The following TTBK2 variants were observed in gnomAD, a reference collection of about 807,000 sequenced individuals.
The protein encoded by TTBK2 is tau tubulin kinase 2, also known as tau-tubulin kinase 2.
A neutral mutation model predicts 110.8 loss-of-function variants in TTBK2; 28 were observed. That is an observed-to-expected ratio of 0.25 (90% confidence interval 0.19 to 0.35). The LOEUF (loss-of-function observed/expected upper bound fraction) is 0.35, where lower values mean the gene tolerates loss of function less well. TTBK2 is among the 10% of genes least tolerant of loss of function. The pLI is 1.00. For missense variants in TTBK2, 1,369 were observed against 1,500.3 expected (o/e 0.91, Z 1.45); for synonymous variants, 532 against 527.3 (o/e 1.01, Z -0.12).
rs1431375876 is a variant in TTBK2, at chr15:42,752,778, A to G, written c.2468T>C (p.Leu823Pro). The G allele has an allele frequency of 1.9e-6, 3 of 1,614,086 alleles. No individual in the cohort carries two copies. The highest frequency in any genetic ancestry group is 1.7e-5 in the Admixed American group (1 of 60,012). Residue 823 changes from leucine to proline, a missense_variant, in exon 14 of 15, where the codon CTT becomes CCT. By Grantham distance (98) the Leu-to-Pro change is moderately conservative. Transcript: ENST00000267890. ...EKDHSATTEP[L>P]DVTKTQTFSV... Reference sequence around the variant, plus strand: ...AAAAGTCTGTGTTTTTGTCACATCAAGAGGTTCAGTAGTAGCTGAGTGATC... The same window carrying G: ...AAAAGTCTGTGTTTTTGTCACATCAGGAGGTTCAGTAGTAGCTGAGTGATC...
Position 42,745,666 on chromosome 15 carries a change from ATTGATCATGTTACTTTCTT to A in TTBK2, c.*110_*128del. On this transcript the variant is annotated 3_prime_UTR_variant, in exon 15 of 15. Coordinates refer to ENST00000267890, the MANE Select transcript of TTBK2 (RefSeq NM_173500.4). ...CATGTATTATGTCTTCTTATAAATA[ATTGATCATGTTACTTTCTT>A]TTGCAAGAGAAGATCAACACTGATT... 1 of 1,128,872 alleles carries A rather than the reference ATTGATCATGTTACTTTCTT, an allele frequency of 8.9e-7. No homozygotes were observed. Among genetic ancestry groups the A allele is most frequent in the South Asian group, 1.3e-5 (1 of 78,194 alleles). 69.9% of individuals were successfully genotyped at this position (1,128,872 alleles called of 1,614,324 possible).
At chr15:42,749,025 G>T (rs1011340838) in intron 14 of TTBK2, among the ~76,000 whole-genome samples, 13 of 152,014 alleles carry the variant, frequency 8.6e-5, no homozygotes, top group Admixed American at 8.5e-4. Flanking sequence ...GGACATAATG[G>T]GATTCTGACT....
intron 1 of TTBK2, among the ~76,000 whole-genome samples, chr15:42,898,967 T>C (rs1895775407): frequency 6.6e-6 from 1 of 152,152 alleles, no homozygotes; most frequent in African/African-American, 2.4e-5. Flanking sequence ...TAATAAAAAC[T>C]AATTTTAAAA....
intron 1 of TTBK2, among the ~76,000 whole-genome samples, chr15:42,894,354 C>T (rs984272005): frequency 5.9e-5 from 9 of 151,892 alleles, no homozygotes; most frequent in East Asian, 1.9e-4. Flanking sequence ...TTCTACTAAA[C>T]ATTTAAAGAA....
chr15:42,753,192 T>C lies in TTBK2; in HGVS notation c.2054A>G (p.His685Arg). ...ASTQSTSGSF[H>R]CGQQPEKKDL... The stretch of plus-strand genomic sequence containing the variant: ...TTTCTTCTCTGGCTGCTGACCACAG[T>C]GAAAGCTTCCTGAAGTTGACTGTGT... Residue 685 changes from histidine to arginine, a missense_variant, in exon 14 of 15, where the codon CAC becomes CGC. This residue lies in a region of TTBK2 where 1,097 missense variants were observed against 1,114.7 expected (regional missense o/e 0.98). Transcript: ENST00000267890. The C allele has an allele frequency of 6.2e-7, 1 of 1,612,058 alleles. No individual in the cohort carries two copies.
At chr15:42,784,353 C>T (rs1890315160) in intron 10 of TTBK2, among the ~76,000 whole-genome samples, 1 of 152,102 alleles carries the variant, frequency 6.6e-6, no homozygotes, top group Non-Finnish European at 1.5e-5. Context: ...TCTCGGCTCA[C>T]TGAAACCTCC....
intron 1 of TTBK2, among the ~76,000 whole-genome samples, chr15:42,888,493 A>G (rs1467553477): frequency 1.3e-5 from 2 of 152,036 alleles, no homozygotes; most frequent in Non-Finnish European, 2.9e-5. Context: ...ATCGCCACTC[A>G]CAAGCAAAGG....
intron 1 of TTBK2, among the ~76,000 whole-genome samples, chr15:42,899,255 C>T (rs546727638): frequency 2.7e-4 from 41 of 152,132 alleles, no homozygotes; most frequent in Admixed American, 1.8e-3. Flanking sequence ...GCCTCAGACT[C>T]CCAAAGTGCT....
At chr15:42,815,950 A>T (rs1444524484) in intron 7 of TTBK2, among the ~76,000 whole-genome samples, 26 of 12,282 alleles carry the variant, frequency 2.1e-3, no homozygotes, top group South Asian at 7.9e-3. Flanking sequence ...ATATATATTT[A>T]AAAAAAAAAT....
At chr15:42,819,927 G>A (rs1399774720) in intron 6 of TTBK2, among the ~76,000 whole-genome samples, 4 of 152,100 alleles carry the variant, frequency 2.6e-5, no homozygotes, top group African/African-American at 4.8e-5. Flanking sequence ...AAAATCTCCA[G>A]ACTTATTATC....
chr15:42,785,142 CAG>C (rs1890354924), intron 10 of TTBK2, among the ~76,000 whole-genome samples: 1 of 114,596 alleles, frequency 8.7e-6, no homozygotes, highest in South Asian at 2.6e-4. Context: ...TTTTTTGAGA[CAG>C]AGTCAAGCTC....
chr15:42,874,953 T>G (rs950578427), intron 2 of TTBK2, among the ~76,000 whole-genome samples: 3 of 138,366 alleles, frequency 2.2e-5, no homozygotes, highest in Non-Finnish European at 4.6e-5. Context: ...ACCATTGCAC[T>G]CCAGCCTGGG....
At chr15:42,786,920 GTA>G (rs1890436252) in intron 10 of TTBK2, among the ~76,000 whole-genome samples, 1 of 152,198 alleles carries the variant, frequency 6.6e-6, no homozygotes, top group Non-Finnish European at 1.5e-5. Flanking sequence ...GAGTGAGAAA[GTA>G]TACATAAGAG....
chr15:42,878,101 A>G (rs1266120204), intron 2 of TTBK2, among the ~76,000 whole-genome samples: 2 of 147,682 alleles, frequency 1.4e-5, no homozygotes, highest in African/African-American at 5.0e-5. Context: ...CAACCTCCTG[A>G]GTAGCTGGGA....
intron 9 of TTBK2, chr15:42,801,523 C>T: frequency 2.6e-6 from 2 of 767,034 alleles, no homozygotes; most frequent in Admixed American, 1.7e-5. Context: ...ACAGGTCATC[C>T]CCATGCTTCT....
chr15:42,896,650 C>T (rs28871732), intron 1 of TTBK2, among the ~76,000 whole-genome samples: 36,347 of 151,694 alleles, frequency 0.24, 5,185 homozygotes, highest in African/African-American at 0.4. Context: ...AACAATTAGC[C>T]AGGCATGGTG....
intron 3 of TTBK2, among the ~76,000 whole-genome samples, chr15:42,854,020 T>A (rs192957848): frequency 6.6e-6 from 1 of 152,322 alleles, no homozygotes; most frequent in East Asian, 1.9e-4. Flanking sequence ...ACTGCAGCCT[T>A]GATCTCCTGG....
At chr15:42,876,758 T>C (rs1894832913) in intron 2 of TTBK2, among the ~76,000 whole-genome samples, 1 of 152,074 alleles carries the variant, frequency 6.6e-6, no homozygotes. Flanking sequence ...ATAGTTCCTT[T>C]AAGAAACAAG....
rs933018945 is a variant in TTBK2 at position 42,782,156 on chromosome 15, C to T, written c.1197+1263G>A. Among the ~76,000 whole-genome samples, 3 of 152,146 alleles carry T rather than the reference C, an allele frequency of 2.0e-5. No homozygotes were observed. In the East Asian group the frequency reaches 5.8e-4, roughly 29 times the overall value. ...GCATGATCTTGGCTCACTGCAACCT[C>T]CACCTCTCAGGTTCAAGCGATTCTC... On this transcript the variant is annotated intron_variant, in intron 11 of 14. Transcript: ENST00000267890.
Sources: gnomAD v4.1 joint callset for allele counts (sites outside exome capture counted in the v4.1 genomes callset) on GRCh38, gnomAD v4.1.1 for gene constraint, gnomAD v4.1.1 regional missense constraint, MANE v1.5 for transcripts, NCBI Gene and HGNC (gene_info 2026-07-23, HGNC 2026-07-21) for gene names.